UBE2E2: variants seen among roughly 807,000 people sequenced by gnomAD.
UBE2E2 encodes the protein ubiquitin-conjugating enzyme E2 E2.
In UBE2E2, 6 loss-of-function variants were observed where a neutral mutation model predicts 24.7. The observed-to-expected ratio is 0.24, with a 90% confidence interval of 0.13 to 0.48. The LOEUF (loss-of-function observed/expected upper bound fraction) is 0.48, where lower values mean the gene tolerates loss of function less well. UBE2E2 is among the 20% of genes least tolerant of loss of function. The pLI is 0.99. For missense variants in UBE2E2, 169 were observed against 245.0 expected (o/e 0.69, Z 2.07); for synonymous variants, 104 against 83.6 (o/e 1.24, Z -1.33).
chr3:23,368,304 A>C (rs1001420772), intron 3 of UBE2E2, among the ~76,000 whole-genome samples: 59 of 152,256 alleles, frequency 3.9e-4, no homozygotes, highest in Admixed American at 3.8e-3. Context: ...TAAAGCTTCT[A>C]CTCTATGCCA....
chr3:23,359,143 C>G (rs1165081285), intron 3 of UBE2E2, among the ~76,000 whole-genome samples: 1 of 152,148 alleles, frequency 6.6e-6, no homozygotes, highest in Non-Finnish European at 1.5e-5. Context: ...TGCTGCTTTT[C>G]ATGGACTCTG....
At chr3:23,405,225 T>C (rs1201883147) in intron 3 of UBE2E2, among the ~76,000 whole-genome samples, 1 of 152,214 alleles carries the variant, frequency 6.6e-6, no homozygotes, top group Non-Finnish European at 1.5e-5. Context: ...CTTAGCTTTT[T>C]ACACTTGGTC....
rs1047302158 is a variant in UBE2E2 at position 23,436,203 on chromosome 3, C to G, written c.228-63405C>G. On this transcript the variant is annotated intron_variant, in intron 3 of 5. Transcript: ENST00000396703. ...TGGGTTAGATCATTCAAGGCCTTCC[C>G]GATTTTACCAGGTGTCAAAGCGGCA... is the stretch of plus-strand genomic sequence containing the variant. Among the ~76,000 whole-genome samples the G allele has an allele frequency of 2.0e-5, 3 of 151,990 alleles. No individual in the cohort carries two copies. The East Asian group carries it at 5.8e-4, about 29-fold the overall frequency.
At chr3:23,381,283 G>A (rs1005226415) in intron 3 of UBE2E2, among the ~76,000 whole-genome samples, 8 of 152,128 alleles carry the variant, frequency 5.3e-5, no homozygotes, top group African/African-American at 1.9e-4. Flanking sequence ...ATCTCTTTCT[G>A]GGAAACTGTG....
chr3:23,248,791 T>C (rs955535096), intron 3 of UBE2E2, among the ~76,000 whole-genome samples: 2 of 152,222 alleles, frequency 1.3e-5, no homozygotes, highest in Non-Finnish European at 2.9e-5. Context: ...CAGTGATTTT[T>C]AGTCTTTCCT....
At chr3:23,259,232 T>C (rs1468512745) in intron 3 of UBE2E2, among the ~76,000 whole-genome samples, 1 of 152,134 alleles carries the variant, frequency 6.6e-6, no homozygotes, top group African/African-American at 2.4e-5. Context: ...TATGTGTGTG[T>C]GCGTTTGTGC....
chr3:23,358,745 C>T (rs1696035058), intron 3 of UBE2E2, among the ~76,000 whole-genome samples: 1 of 152,150 alleles, frequency 6.6e-6, no homozygotes, highest in African/African-American at 2.4e-5. Context: ...CTAAATATTT[C>T]TTGCTATGGA....
At chr3:23,453,287 T>A (rs542456292) in intron 3 of UBE2E2, among the ~76,000 whole-genome samples, 23 of 152,178 alleles carry the variant, frequency 1.5e-4, no homozygotes, top group African/African-American at 5.5e-4. Context: ...TGAGCAACTA[T>A]TTTTTAATTC....
chr3:23,262,315 C>G (rs1471484875), intron 3 of UBE2E2, among the ~76,000 whole-genome samples: 1 of 151,970 alleles, frequency 6.6e-6, no homozygotes, highest in African/African-American at 2.4e-5. Flanking sequence ...GAGTCGTGGT[C>G]TTTTTTTCAG....
intron 3 of UBE2E2, among the ~76,000 whole-genome samples, chr3:23,415,109 C>T (rs1265607591): frequency 6.6e-6 from 1 of 152,158 alleles, no homozygotes; most frequent in African/African-American, 2.4e-5. Context: ...TTCTGGGTGT[C>T]ACACATTTTG....
In UBE2E2 at chr3:23,407,187, G is replaced by GA. The variant is rs560897128; in HGVS notation, c.228-92411dup. Among the ~76,000 whole-genome samples the GA allele has an allele frequency of 1.4e-5, 2 of 147,028 alleles. No individual in the cohort carries two copies. The highest frequency in any genetic ancestry group is 3.0e-5 in the Non-Finnish European group (2 of 66,368). On this transcript the variant is annotated intron_variant, in intron 3 of 5. Coordinates refer to ENST00000396703, the MANE Select transcript of UBE2E2 (RefSeq NM_152653.4). The surrounding 1 kb of genome is among the most constrained non-coding windows in gnomAD (Gnocchi z 4.0). Reference sequence around the variant, plus strand: ...GAACCCTGACTTTCAGAATGGCCTGGAAAAAAAAAAGGTCTTGACCACTGT... The same window carrying GA: ...GAACCCTGACTTTCAGAATGGCCTGGAAAAAAAAAAAGGTCTTGACCACTGT...
intron 3 of UBE2E2, among the ~76,000 whole-genome samples, chr3:23,446,599 T>C (rs1698433923): frequency 6.6e-6 from 1 of 151,988 alleles, no homozygotes; most frequent in Non-Finnish European, 1.5e-5. Flanking sequence ...ATTCACCATA[T>C]CAGTAGCTGA....
chr3:23,361,771 T>G (rs770424608), intron 3 of UBE2E2, among the ~76,000 whole-genome samples: 52 of 152,124 alleles, frequency 3.4e-4, no homozygotes, highest in Non-Finnish European at 6.9e-4. Context: ...AAGGAACTTA[T>G]CCATGTAACC....
At chr3:23,276,920 A>C (rs1698385677) in intron 3 of UBE2E2, among the ~76,000 whole-genome samples, 1 of 152,076 alleles carries the variant, frequency 6.6e-6, no homozygotes, top group African/African-American at 2.4e-5. Flanking sequence ...CTTAAGGAAG[A>C]GGAAAAACTT....
At chr3:23,535,429 C>T (rs184250026) in intron 5 of UBE2E2, among the ~76,000 whole-genome samples, 11 of 152,054 alleles carry the variant, frequency 7.2e-5, no homozygotes, top group Admixed American at 6.5e-4. Flanking sequence ...ATTTTACAAT[C>T]GAAAAAAGCT....
intron 5 of UBE2E2, among the ~76,000 whole-genome samples, chr3:23,548,153 C>G (rs550242941): frequency 6.6e-6 from 1 of 152,200 alleles, no homozygotes. Flanking sequence ...TTCAGGAATC[C>G]TAATAGAAAA....
intron 3 of UBE2E2, 93 bp from the exon 4 acceptor site, chr3:23,499,515 G>A: frequency 6.8e-7 from 1 of 1,463,446 alleles, no homozygotes; most frequent in Non-Finnish European, 9.1e-7. Context: ...GTGTTTTTAT[G>A]GAATTGCTCA....
chr3:23,213,281 C>A lies in UBE2E2; in HGVS notation c.177-3981C>A, dbSNP rs116571495. 4.6e-3 allele frequency among the ~76,000 whole-genome samples: 704 copies of A among 152,164 alleles called. 3 individuals carry two copies. Among genetic ancestry groups the A allele is most frequent in the African/African-American group, 0.016 (660 of 41,530 alleles). Reference sequence around the variant, plus strand: ...AGTACATATACACTGCTTCATTTTTCTGAACCCTTAGCCCAATATATTGAT... The same window carrying A: ...AGTACATATACACTGCTTCATTTTTATGAACCCTTAGCCCAATATATTGAT... On this transcript the variant is annotated intron_variant, in intron 2 of 5. Coordinates refer to ENST00000396703, the MANE Select transcript of UBE2E2 (RefSeq NM_152653.4).
chr3:23,311,913 A>G (rs1411351425), intron 3 of UBE2E2, among the ~76,000 whole-genome samples: 1 of 152,094 alleles, frequency 6.6e-6, no homozygotes, highest in African/African-American at 2.4e-5. Context: ...CTGTGTCTCC[A>G]CCAAATCTCA....
Sources: allele counts gnomAD v4.1 joint callset (sites outside exome capture counted in the v4.1 genomes callset), GRCh38; gene constraint gnomAD v4.1.1; non-coding constraint Gnocchi (gnomAD v3.1); transcripts MANE v1.5; gene names NCBI Gene and HGNC (gene_info 2026-07-23, HGNC 2026-07-21).